The following CRY1 variants were observed in gnomAD, a reference collection of about 807,000 sequenced individuals.
The protein encoded by CRY1 is cryptochrome-1.
Under a neutral mutation model 76.0 loss-of-function variants are expected in CRY1, and 45 were observed. That is an observed-to-expected ratio of 0.59 (90% CI 0.47 to 0.76). The LOEUF is 0.76. Among genes scored for constraint, CRY1 ranks in the 30% least tolerant of loss-of-function variants. The pLI, the probability that CRY1 is intolerant of heterozygous loss-of-function variation, is 0.00. For missense variants in CRY1, 587 were observed against 716.4 expected, an observed-to-expected ratio of 0.82 and a Z score of 2.06; for synonymous variants, 248 against 244.0, an observed-to-expected ratio of 1.02 and a Z score of -0.15.
chr12:107,072,635 G>GA (rs758806905), intron 1 of CRY1, among the ~76,000 whole-genome samples: 2 of 152,106 alleles, frequency 1.3e-5, no homozygotes, highest in Admixed American at 6.5e-5. Context: ...GCTCCCAAAA[G>GA]AAAAATATGA....
intron 2 of CRY1, among the ~76,000 whole-genome samples, chr12:107,020,875 T>C (rs1952549158): frequency 6.6e-6 from 1 of 152,214 alleles, no homozygotes; most frequent in Non-Finnish European, 1.5e-5. Flanking sequence ...TGTATGATCT[T>C]GGGCAACTCA....
intron 1 of CRY1, among the ~76,000 whole-genome samples, chr12:107,063,971 C>T (rs1216843255): frequency 6.6e-6 from 1 of 152,092 alleles, no homozygotes; most frequent in African/African-American, 2.4e-5. Flanking sequence ...AAATAAATCT[C>T]CTAAGCGCCA....
Position 106,998,001 on chromosome 12 carries a change from A to C in CRY1, c.1203T>G (p.Ser401=). 1 of 1,614,194 alleles carries C rather than the reference A, an allele frequency of 6.2e-7. No homozygotes were observed. The highest frequency in any genetic ancestry group is 8.5e-7 in the Non-Finnish European group (1 of 1,180,008). The change falls in exon 8 of 13, where the codon TCT becomes TCG. Residue 401 remains serine (S), a synonymous_variant. Transcript: ENST00000008527. ...AAAACTGTTGAAAAAAGGAACTACAAGACAGCCACATCCAACTTCCAGCAT... is the reference window on the plus strand; with the variant it reads ...AAAACTGTTGAAAAAAGGAACTACACGACAGCCACATCCAACTTCCAGCAT... The part of the protein sequence containing the change: ...SINAGSWMWL[S]CSSFFQQFFH...
intron 9 of CRY1, 21 bp from the exon 10 acceptor site, chr12:106,997,407 C>T: frequency 6.2e-7 from 1 of 1,612,266 alleles, no homozygotes; most frequent in Non-Finnish European, 8.5e-7. Flanking sequence ...AAAAAATTTT[C>T]TTTTAAATTA....
At chr12:107,085,193 G>A (rs1440613251) in intron 1 of CRY1, among the ~76,000 whole-genome samples, 6 of 152,150 alleles carry the variant, frequency 3.9e-5, no homozygotes, top group Non-Finnish European at 7.4e-5. Context: ...GAAGAAATAG[G>A]AACGCTTTTA....
At chr12:107,035,017 A>G (rs187952291) in intron 1 of CRY1, among the ~76,000 whole-genome samples, 13 of 152,320 alleles carry the variant, frequency 8.5e-5, no homozygotes, top group Admixed American at 6.5e-4. Context: ...CAAATAAAGT[A>G]TAAGATATAC....
intron 1 of CRY1, among the ~76,000 whole-genome samples, chr12:107,026,830 G>T: frequency 6.7e-6 from 1 of 148,628 alleles, no homozygotes. Flanking sequence ...TAAATACTTG[G>T]GCATGACAAA....
chr12:107,062,422 C>A (rs1953059177), intron 1 of CRY1, among the ~76,000 whole-genome samples: 1 of 152,122 alleles, frequency 6.6e-6, no homozygotes, highest in South Asian at 2.1e-4. Flanking sequence ...ACAATGTCAG[C>A]AATTACATTA....
At chr12:107,076,685 T>C (rs564713449) in intron 1 of CRY1, among the ~76,000 whole-genome samples, 20 of 151,968 alleles carry the variant, frequency 1.3e-4, no homozygotes, top group African/African-American at 4.8e-4. Flanking sequence ...AAGAAGCTGA[T>C]CTAATTTGGA....
chr12:107,033,199 A>T (rs1952697555), intron 1 of CRY1, among the ~76,000 whole-genome samples: 1 of 152,182 alleles, frequency 6.6e-6, no homozygotes, highest in African/African-American at 2.4e-5. Context: ...ACTTACCAAA[A>T]TGGACTCAAG....
intron 1 of CRY1, chr12:107,073,148 G>C (rs1953211397): frequency 6.8e-6 from 1 of 147,310 alleles, no homozygotes; most frequent in African/African-American, 2.7e-5. Flanking sequence ...TGGGAAAGGG[G>C]CATTGAGGCT....
intron 1 of CRY1, among the ~76,000 whole-genome samples, chr12:107,030,890 T>C (rs1952667062): frequency 6.6e-6 from 1 of 152,064 alleles, no homozygotes; most frequent in South Asian, 2.1e-4. Context: ...GCAGAAAAAA[T>C]AGTATGTATG....
intron 7 of CRY1, among the ~76,000 whole-genome samples, chr12:106,998,432 T>C (rs1329136486): frequency 6.6e-6 from 1 of 152,152 alleles, no homozygotes; most frequent in African/African-American, 2.4e-5. Flanking sequence ...AAAATGCTAT[T>C]ACATAAAACA....
At chr12:107,033,933 T>C (rs945848879) in intron 1 of CRY1, among the ~76,000 whole-genome samples, 5 of 150,916 alleles carry the variant, frequency 3.3e-5, no homozygotes, top group Admixed American at 6.7e-5. Flanking sequence ...ACATTTTGAG[T>C]GCTGACACTG....
At chr12:107,040,080 G>A (rs1952780396) in intron 1 of CRY1, among the ~76,000 whole-genome samples, 1 of 152,062 alleles carries the variant, frequency 6.6e-6, no homozygotes, top group Non-Finnish European at 1.5e-5. Context: ...ATTATGCTAA[G>A]TAAAATAAGC....
intron 1 of CRY1, among the ~76,000 whole-genome samples, chr12:107,037,226 C>T (rs1369713347): frequency 6.6e-6 from 1 of 151,988 alleles, no homozygotes; most frequent in Admixed American, 6.6e-5. Flanking sequence ...AAAAATAGGC[C>T]AATATGCTTG....
intron 2 of CRY1, 127 bp from the exon 3 acceptor site, chr12:107,005,375 C>A: frequency 1.1e-6 from 1 of 938,370 alleles, no homozygotes; most frequent in Non-Finnish European, 1.5e-6. Context: ...TTTGAATATG[C>A]AGGAAAAAGT....
At chr12:107,039,571 T>C (rs1952775088) in intron 1 of CRY1, among the ~76,000 whole-genome samples, 1 of 152,196 alleles carries the variant, frequency 6.6e-6, no homozygotes, top group South Asian at 2.1e-4. Flanking sequence ...TGAAATGATG[T>C]TCACATCACA....
chr12:106,999,487 ATTTG>A, intron 7 of CRY1, 60 bp downstream of exon 7: 1 of 1,434,302 alleles, frequency 7.0e-7, no homozygotes, highest in Non-Finnish European at 9.4e-7. Flanking sequence ...AACTTCTAGG[ATTTG>A]TTTTATTAAG....
Sources: gnomAD v4.1 joint callset for allele counts (sites outside exome capture counted in the v4.1 genomes callset) on GRCh38, gnomAD v4.1.1 for gene constraint, MANE v1.5 for transcripts, NCBI Gene and HGNC (gene_info 2026-07-23, HGNC 2026-07-21) for gene names.